WDR93: variants seen among roughly 807,000 people sequenced by gnomAD.
WDR93 encodes WD repeat domain 93.
Under a neutral mutation model 82.9 loss-of-function variants are expected in WDR93, and 73 were observed. The observed-to-expected ratio is 0.88, with a 90% CI of 0.73 to 1.07. The LOEUF is 1.07. WDR93 is among the 50% of genes least tolerant of loss of function. The probability of loss-of-function intolerance (pLI) is 0.00; values close to 1 mark genes in which losing one functional copy is unlikely to be tolerated. For missense variants in WDR93, 738 were observed against 826.0 expected, an observed-to-expected ratio of 0.89 and a Z score of 1.31; for synonymous variants, 283 against 300.1, an observed-to-expected ratio of 0.94 and a Z score of 0.59.
chr15:89,732,864 T>C (rs1966881425), intron 12 of WDR93, 142 bp from the exon 13 acceptor site: 16 of 747,300 alleles, frequency 2.1e-5, no homozygotes, highest in South Asian at 2.0e-4. Flanking sequence ...GGTTTACTGA[T>C]TTTCTCTCAC....
chr15:89,720,961 C>A (rs531423420), intron 7 of WDR93: 1 of 151,494 alleles, frequency 6.6e-6, no homozygotes, highest in Non-Finnish European at 1.5e-5. Context: ...TTCTTTCACT[C>A]TTACGAATTT....
chr15:89,720,651 A>G (rs1207658407), intron 7 of WDR93, among the ~76,000 whole-genome samples: 3 of 152,262 alleles, frequency 2.0e-5, no homozygotes, highest in Non-Finnish European at 4.4e-5. Context: ...TGGGCTTCTC[A>G]TAAAATCCGT....
intron 4 of WDR93, among the ~76,000 whole-genome samples, chr15:89,710,096 A>C (rs1965905098): frequency 6.6e-6 from 1 of 152,124 alleles, no homozygotes; most frequent in South Asian, 2.1e-4. Context: ...GGAGGCGGAG[A>C]TTGCAGTGAG....
intron 9 of WDR93, among the ~76,000 whole-genome samples, chr15:89,728,697 A>G (rs999964194): frequency 6.6e-6 from 1 of 152,228 alleles, no homozygotes; most frequent in South Asian, 2.1e-4. Flanking sequence ...GAGAACATCT[A>G]TGTAGATCAC....
intron 8 of WDR93, among the ~76,000 whole-genome samples, chr15:89,726,534 T>C (rs776972604): frequency 1.6e-4 from 25 of 152,170 alleles, no homozygotes; most frequent in Non-Finnish European, 1.2e-4. Flanking sequence ...CCTTCCAAAG[T>C]GAACAGAATT....
At chr15:89,719,174 A>G (rs1448811113) in intron 7 of WDR93, among the ~76,000 whole-genome samples, 1 of 152,004 alleles carries the variant, frequency 6.6e-6, no homozygotes, top group East Asian at 1.9e-4. Context: ...TGCAGCCTCA[A>G]CCTCCTGGGC....
chr15:89,719,168 G>A (rs1966404142), intron 7 of WDR93, among the ~76,000 whole-genome samples: 1 of 151,900 alleles, frequency 6.6e-6, no homozygotes, highest in South Asian at 2.1e-4. Context: ...GCTCACTGCA[G>A]CCTCAACCTC....
intron 1 of WDR93, 80 bp from the exon 2 acceptor site, chr15:89,701,627 A>G (rs1033858306): frequency 8.2e-7 from 1 of 1,218,760 alleles, no homozygotes; most frequent in Non-Finnish European, 1.1e-6. Flanking sequence ...CCTATAGGCT[A>G]TTGTGCTAGA....
intron 1 of WDR93, among the ~76,000 whole-genome samples, chr15:89,694,983 C>A (rs1402969252): frequency 6.6e-6 from 1 of 152,112 alleles, no homozygotes; most frequent in East Asian, 1.9e-4. Context: ...AAAATAAGTT[C>A]TCCATATATG....
intron 3 of WDR93, chr15:89,705,203 C>T: frequency 4.2e-6 from 1 of 239,814 alleles, no homozygotes; most frequent in Non-Finnish European, 8.0e-6. Context: ...AATACATTTG[C>T]AGGAAACAGT....
intron 4 of WDR93, among the ~76,000 whole-genome samples, chr15:89,708,855 A>G (rs8025015): frequency 0.43 from 65,578 of 152,120 alleles, 14,521 homozygotes; most frequent in African/African-American, 0.47. Context: ...CAGCCGAATT[A>G]TCAGAACAGT....
At chr15:89,705,100 ACGAGGAGCTTGTTGG>A (rs1360422400) in intron 3 of WDR93, 2 of 164,128 alleles carry the variant, frequency 1.2e-5, no homozygotes, top group Non-Finnish European at 2.6e-5. Context: ...AATTAACTGC[ACGAGGAGCTTGTTGG>A]GATTGAGAGG....
intron 6 of WDR93, among the ~76,000 whole-genome samples, chr15:89,715,831 G>A (rs1966224649): frequency 1.3e-5 from 2 of 152,090 alleles, no homozygotes; most frequent in South Asian, 2.1e-4. Context: ...TGATGTGCCC[G>A]CCTCGGCCTC....
At position 89,699,805 on chromosome 15, in the gene WDR93, G is replaced by T. The variant is rs568654515; in HGVS notation, c.-40-1902G>T. Reference sequence around the variant, plus strand: ...GCTGTGTCTCTAAAAGCTCAATATGGATTTAGAAAGATATAGATATAACAG... The same window carrying T: ...GCTGTGTCTCTAAAAGCTCAATATGTATTTAGAAAGATATAGATATAACAG... On this transcript the variant is annotated intron_variant, in intron 1 of 16. Transcript: ENST00000268130. 1.1e-4 allele frequency among the ~76,000 whole-genome samples: 17 copies of T among 152,154 alleles called. No homozygotes were observed. In the South Asian group the frequency reaches 3.5e-3, roughly 32 times the overall value.
intron 16 of WDR93, among the ~76,000 whole-genome samples, chr15:89,741,544 A>G (rs988374452): frequency 6.6e-6 from 1 of 152,190 alleles, no homozygotes; most frequent in African/African-American, 2.4e-5. Flanking sequence ...AAACCATTAC[A>G]GATACAGGGA....
At chr15:89,718,544 C>T (rs1265495478) in intron 7 of WDR93, among the ~76,000 whole-genome samples, 1 of 151,938 alleles carries the variant, frequency 6.6e-6, no homozygotes, top group East Asian at 1.9e-4. Flanking sequence ...GGGTGGATGG[C>T]TTGAGCCCTG....
At chr15:89,708,546 G>A (rs953031878) in intron 4 of WDR93, among the ~76,000 whole-genome samples, 2 of 152,148 alleles carry the variant, frequency 1.3e-5, no homozygotes, top group African/African-American at 4.8e-5. Flanking sequence ...GGGTGGCTAG[G>A]ACAAGAGCGT....
intron 4 of WDR93, among the ~76,000 whole-genome samples, chr15:89,706,199 G>A (rs1567103534): frequency 6.6e-6 from 1 of 152,072 alleles, no homozygotes; most frequent in Non-Finnish European, 1.5e-5. Flanking sequence ...AAGAGGACCT[G>A]TCTTATTTAC....
intron 1 of WDR93, among the ~76,000 whole-genome samples, chr15:89,698,645 A>G (rs1489826206): frequency 6.6e-6 from 1 of 152,130 alleles, no homozygotes; most frequent in African/African-American, 2.4e-5. Context: ...AGCATAGCCT[A>G]CCTTCAAGTG....
Sources: gnomAD v4.1 joint callset for allele counts (sites outside exome capture counted in the v4.1 genomes callset) on GRCh38, gnomAD v4.1.1 for gene constraint, MANE v1.5 for transcripts, NCBI Gene and HGNC (gene_info 2026-07-23, HGNC 2026-07-21) for gene names.